Variants in NRG3 observed in about 807,000 individuals in gnomAD.
The protein encoded by NRG3 is pro-neuregulin-3, membrane-bound isoform.
A neutral mutation model predicts 66.9 loss-of-function variants in NRG3; 31 were observed. The observed-to-expected ratio is 0.46, with a 90% CI of 0.35 to 0.63. The LOEUF (loss-of-function observed/expected upper bound fraction) is 0.63. Ranked by LOEUF, NRG3 falls within the 20% of genes least tolerant of loss-of-function variation. The pLI is 0.00. For synonymous variants in NRG3, 393 were observed against 359.4 expected, an observed-to-expected ratio of 1.09 and a Z score of -1.06; for missense variants, 910 against 878.9, an observed-to-expected ratio of 1.04 and a Z score of -0.45.
chr10:82,538,519 A>G (rs1479364389), intron 2 of NRG3, among the ~76,000 whole-genome samples: 1 of 152,150 alleles, frequency 6.6e-6, no homozygotes, highest in African/African-American at 2.4e-5. Flanking sequence ...GTTATTAAGG[A>G]AATTTTTCTG....
chr10:82,102,111 TTC>T (rs1277420626), intron 1 of NRG3, among the ~76,000 whole-genome samples: 4 of 52,834 alleles, frequency 7.6e-5, no homozygotes, highest in East Asian at 4.3e-4. Context: ...TATATGTGTA[TTC>T]ATATATATAT....
chr10:82,854,561 C>G (rs1264200638), intron 3 of NRG3, among the ~76,000 whole-genome samples: 1 of 152,266 alleles, frequency 6.6e-6, no homozygotes, highest in Admixed American at 6.5e-5. Context: ...TAAGCAGACA[C>G]CATTGTGTAA....
At chr10:82,728,679 A>C (rs2057740858) in intron 2 of NRG3, among the ~76,000 whole-genome samples, 1 of 152,208 alleles carries the variant, frequency 6.6e-6, no homozygotes, top group Non-Finnish European at 1.5e-5. Flanking sequence ...GATTCTGAGC[A>C]AGTAGAGACA....
chr10:82,685,364 G>T (rs530613404), intron 2 of NRG3, among the ~76,000 whole-genome samples: 5 of 152,342 alleles, frequency 3.3e-5, no homozygotes, highest in Admixed American at 3.3e-4. Context: ...TAGCTTCATG[G>T]TTTTCTCATT....
At chr10:82,093,971 G>A (rs2066184949) in intron 1 of NRG3, among the ~76,000 whole-genome samples, 1 of 152,128 alleles carries the variant, frequency 6.6e-6, no homozygotes, top group Non-Finnish European at 1.5e-5. Context: ...TACTTAAAAT[G>A]TAAAGCCTCT....
chr10:82,276,390 G>A (rs533254174), intron 1 of NRG3, among the ~76,000 whole-genome samples: 1 of 152,084 alleles, frequency 6.6e-6, no homozygotes, highest in Admixed American at 6.6e-5. Context: ...TTCATGAAAA[G>A]TGATTTGTAA....
intron 1 of NRG3, among the ~76,000 whole-genome samples, chr10:82,138,919 C>T (rs972368563): frequency 9.2e-5 from 14 of 152,076 alleles, no homozygotes; most frequent in Middle Eastern, 6.8e-3. Flanking sequence ...TTGTGCTCAC[C>T]CAGCTTGAGG....
At chr10:82,181,511 T>C in intron 1 of NRG3, among the ~76,000 whole-genome samples, 1 of 151,884 alleles carries the variant, frequency 6.6e-6, no homozygotes, top group East Asian at 1.9e-4. Flanking sequence ...TGATTACTTT[T>C]TAATTCAGTG....
intron 6 of NRG3, among the ~76,000 whole-genome samples, chr10:82,964,069 T>C (rs1040864722): frequency 6.6e-6 from 1 of 152,254 alleles, no homozygotes; most frequent in African/African-American, 2.4e-5. Flanking sequence ...TATCAAATTA[T>C]AACTTATTGA....
intron 2 of NRG3, among the ~76,000 whole-genome samples, chr10:82,364,446 A>G (rs1250148201): frequency 6.6e-6 from 1 of 152,228 alleles, no homozygotes; most frequent in Non-Finnish European, 1.5e-5. Context: ...GAATCAAAAT[A>G]TTCTGAATAA....
intron 1 of NRG3, among the ~76,000 whole-genome samples, chr10:82,347,676 C>T (rs2083120676): frequency 6.6e-6 from 1 of 152,116 alleles, no homozygotes; most frequent in African/African-American, 2.4e-5. Context: ...GTGTTAAAGT[C>T]TCCCATTATT....
intron 3 of NRG3, among the ~76,000 whole-genome samples, chr10:82,802,362 T>C (rs989157177): frequency 3.9e-5 from 6 of 152,170 alleles, no homozygotes; most frequent in African/African-American, 1.4e-4. Context: ...TCAAACTTTA[T>C]AAATCAGCTT....
At chr10:82,136,576 CAA>C (rs2069367977) in intron 1 of NRG3, among the ~76,000 whole-genome samples, 1 of 152,148 alleles carries the variant, frequency 6.6e-6, no homozygotes, top group Admixed American at 6.6e-5. Context: ...TCTCTTTCCT[CAA>C]GTAGGAGTCT....
At chr10:82,617,742 C>G (rs889304460) in intron 2 of NRG3, among the ~76,000 whole-genome samples, 3 of 152,120 alleles carry the variant, frequency 2.0e-5, no homozygotes, top group Non-Finnish European at 4.4e-5. Context: ...TAGTGGAAGC[C>G]ACGGCCAGTT....
chr10:82,562,506 A>T (rs111343039), intron 2 of NRG3, among the ~76,000 whole-genome samples: 16 of 152,340 alleles, frequency 1.1e-4, no homozygotes, highest in African/African-American at 3.8e-4. Context: ...AATTGTAGAG[A>T]CAAAAAACTG....
In NRG3 at chr10:82,021,440, A is replaced by G. The variant is rs2062055457; in HGVS notation, c.823+145277A>G. Among the ~76,000 whole-genome samples, 4 of 152,110 alleles carry G rather than the reference A, an allele frequency of 2.6e-5. No individual in the cohort carries two copies. In the South Asian group the frequency reaches 8.3e-4, roughly 32 times the overall value. On this transcript the variant is annotated intron_variant, in intron 1 of 8. Coordinates refer to ENST00000372141, the MANE Select transcript of NRG3 (RefSeq NM_001010848.4). ...CAAGTTAATTTTTCCTGGGGAAATC[A>G]AGTAGAGAGCTGGTTACCATCTTAG...
At chr10:82,241,261 C>T (rs768684890) in intron 1 of NRG3, among the ~76,000 whole-genome samples, 1 of 152,152 alleles carries the variant, frequency 6.6e-6, no homozygotes, top group East Asian at 1.9e-4. Flanking sequence ...GGAGCAGTAG[C>T]GTATAGGAGA....
In NRG3 at chr10:82,258,409, TG is replaced by T. The variant is rs199715670; in HGVS notation, c.824-100328del. On this transcript the variant is annotated intron_variant, in intron 1 of 8. Coordinates refer to ENST00000372141, the MANE Select transcript of NRG3 (RefSeq NM_001010848.4). ...TTTGCCAGAGATATGGCATACAAAT[TG>T]GATTTGTGTATGCTGTATACTAAGT... Among the ~76,000 whole-genome samples the T allele has an allele frequency of 5.4e-3, 821 of 152,332 alleles. 4 individuals carry two copies. The highest frequency in any genetic ancestry group is 0.014 in the Middle Eastern group (4 of 294).
intron 2 of NRG3, among the ~76,000 whole-genome samples, chr10:82,484,433 AAGAATTT>A: frequency 6.6e-6 from 1 of 152,212 alleles, no homozygotes; most frequent in East Asian, 1.9e-4. Context: ...GATATATGTA[AAGAATTT>A]AGTACTGTGC....
Sources: gnomAD v4.1 joint callset for allele counts (sites outside exome capture counted in the v4.1 genomes callset) on GRCh38, gnomAD v4.1.1 for gene constraint, MANE v1.5 for transcripts, NCBI Gene and HGNC (gene_info 2026-07-23, HGNC 2026-07-21) for gene names.